Variants in UBR4 observed in about 807,000 individuals in gnomAD.
The protein encoded by UBR4 is E3 ubiquitin-protein ligase UBR4.
Under a neutral mutation model 575.6 loss-of-function variants are expected in UBR4, and 124 were observed. That is an observed-to-expected ratio of 0.22 (90% CI 0.19 to 0.25). The LOEUF is 0.25. Among genes scored for constraint, UBR4 ranks in the 10% least tolerant of loss-of-function variants. The probability of loss-of-function intolerance (pLI) is 1.00; values close to 1 mark genes in which losing one functional copy is unlikely to be tolerated. For synonymous variants in UBR4, 2,455 were observed against 2,473.7 expected (o/e 0.99, Z 0.22); for missense variants, 4,818 against 6,478.8 (o/e 0.74, Z 8.80).
At chr1:19,123,087 T>C in intron 65 of UBR4, 27 bp from the exon 66 acceptor site, 4 of 1,608,420 alleles carry the variant, frequency 2.5e-6, no homozygotes, top group Non-Finnish European at 3.4e-6. Flanking sequence ...CCACAAAGAG[T>C]AAATGACTCT....
Position 19,184,059 on chromosome 1 carries a change from G to A in UBR4, c.2055C>T (p.Thr685=). ...SVSLSEHHMA[T]LASIIKEVDK... is the part of the protein sequence containing the mutation. ...CCACCTCCTTGATGATACTGGCTAG[G>A]GTGGCCATATGGTGTTCTGAAAGAG... is the stretch of plus-strand genomic sequence containing the variant. Residue 685 remains threonine (T), a synonymous_variant, in exon 16 of 106, where the codon ACC becomes ACT. Coordinates refer to ENST00000375254, the MANE Select transcript of UBR4 (RefSeq NM_020765.3). 6.2e-7 allele frequency: 1 copy of A among 1,614,124 alleles called. No individual in the cohort carries two copies. Among genetic ancestry groups the A allele is most frequent in the Non-Finnish European group, 8.5e-7 (1 of 1,180,018 alleles).
chr1:19,193,682 T>TAAG, intron 8 of UBR4, 125 bp from the exon 9 acceptor site: 2 of 1,268,178 alleles, frequency 1.6e-6, no homozygotes, highest in Non-Finnish European at 1.1e-6. Context: ...TAAATGCCAT[T>TAAG]AAGAGCAAGA....
rs148524256 is a variant in UBR4, at chr1:19,108,833, G to A, written c.12105+1263C>T. ...CCAGATTTTAGGAACTGCTGCTCTCGCTAAGTTACACGGAGCAAATTGTGA... is the reference window on the plus strand; with the variant it reads ...CCAGATTTTAGGAACTGCTGCTCTCACTAAGTTACACGGAGCAAATTGTGA... On this transcript the variant is annotated intron_variant, in intron 81 of 105. Coordinates refer to ENST00000375254, the MANE Select transcript of UBR4 (RefSeq NM_020765.3). Among the ~76,000 whole-genome samples the A allele has an allele frequency of 1.4e-3, 217 of 152,268 alleles. 1 individual carries two copies. Among genetic ancestry groups the A allele is most frequent in the Middle Eastern group, 0.014 (4 of 294 alleles).
chr1:19,107,117 G>T, intron 81 of UBR4, 151 bp from the exon 82 acceptor site: 3 of 1,190,828 alleles, frequency 2.5e-6, no homozygotes, highest in Non-Finnish European at 3.5e-6. Context: ...CCAAATATGT[G>T]TTCCTGTTAA....
intron 8 of UBR4, among the ~76,000 whole-genome samples, chr1:19,195,902 T>A (rs1161786188): frequency 1.3e-5 from 2 of 151,596 alleles, no homozygotes; most frequent in Admixed American, 1.3e-4. Context: ...GCATTTCTAA[T>A]TGAGTCTTAC....
In UBR4 at chr1:19,084,659, C is replaced by T. The variant is rs761575936; in HGVS notation, c.14853G>A (p.Glu4951=). 1 of 1,613,930 alleles carries T rather than the reference C, an allele frequency of 6.2e-7. No homozygotes were observed. Among genetic ancestry groups the T allele is most frequent in the Non-Finnish European group, 8.5e-7 (1 of 1,179,902 alleles). ...CATGGATGTTGAGCTGATACGTGGGCTCCCGCTGGCCTGTACATTCCTGGA... is the reference window on the plus strand; with the variant it reads ...CATGGATGTTGAGCTGATACGTGGGTTCCCGCTGGCCTGTACATTCCTGGA... The part of the protein sequence containing the change: ...TYLQECTGQR[E]PTYQLNIHDI... The change falls in exon 102 of 106, where the codon GAG becomes GAA. Residue 4951 remains glutamate (E), a synonymous_variant. Coordinates refer to ENST00000375254, the MANE Select transcript of UBR4 (RefSeq NM_020765.3).
Position 19,166,762 on chromosome 1 carries a change from T to C in UBR4, c.4109+260A>G, listed in dbSNP as rs200098532. ...AAAAAAAAAAAAAAAAAAAACCAGC[T>C]GGGCATGGTGGCATGCACCTGTAGT... On this transcript the variant is annotated intron_variant, in intron 29 of 105. Coordinates refer to ENST00000375254, the MANE Select transcript of UBR4 (RefSeq NM_020765.3). Among the ~76,000 whole-genome samples the C allele has an allele frequency of 1.4e-4, 18 of 127,944 alleles. No individual in the cohort carries two copies. In the East Asian group the frequency reaches 2.9e-3, roughly 21 times the overall value. 83.9% of individuals were successfully genotyped at this position (127,944 alleles called of 152,430 possible).
chr1:19,104,341 C>A, intron 86 of UBR4, 84 bp from the exon 87 acceptor site: 5 of 1,517,768 alleles, frequency 3.3e-6, no homozygotes, highest in Non-Finnish European at 4.5e-6. Context: ...ATGAGCAACT[C>A]AAAAAGCAGG....
chr1:19,160,018 A>G, intron 39 of UBR4, 93 bp downstream of exon 39: 1 of 1,505,266 alleles, frequency 6.6e-7, no homozygotes, highest in Non-Finnish European at 8.9e-7. Flanking sequence ...AACTGCTCTA[A>G]GTATACTCCT....
In UBR4 at chr1:19,141,586, A is replaced by G. The variant is rs10047155; in HGVS notation, c.8310+61T>C. 1.0e-2 allele frequency: 15,970 copies of G among 1,603,332 alleles called. 950 individuals are homozygous for G. In the African/African-American group the frequency reaches 0.15, roughly 16 times the overall value. On this transcript the variant is annotated intron_variant, in intron 56 of 105. Transcript: ENST00000375254. ...GTGGTAACTTTTGGAAGTCCACTGAATAAGAGCTAGAGGAGAGTTGTGAAG... is the reference window on the plus strand; with the variant it reads ...GTGGTAACTTTTGGAAGTCCACTGAGTAAGAGCTAGAGGAGAGTTGTGAAG...
intron 1 of UBR4, among the ~76,000 whole-genome samples, chr1:19,202,437 A>G (rs1014350464): frequency 6.6e-6 from 1 of 152,228 alleles, no homozygotes; most frequent in African/African-American, 2.4e-5. Context: ...AATACTCAAT[A>G]TACTGTTAGT....
At position 19,198,613 on chromosome 1, in the gene UBR4, A is replaced by C; in HGVS notation, c.576T>G (p.Asn192Lys). Reference protein sequence around the residue: ...PELRQKEVQMNFLNQLTSVFN... With the variant: ...PELRQKEVQMKFLNQLTSVFN... Reference sequence around the variant, plus strand: ...AAACTGAGGTCAGCTGGTTCAAAAAATTCATCTGTACCTCCTTTTGCCTCA... The same window carrying C: ...AAACTGAGGTCAGCTGGTTCAAAAACTTCATCTGTACCTCCTTTTGCCTCA... The change falls in exon 5 of 106, where the codon AAT becomes AAG. Residue 192 changes from asparagine (N) to lysine (K), a missense_variant. By Grantham distance (94) the Asn-to-Lys change is moderately conservative. Around this residue, in one of 29 missense-constraint regions of UBR4, gnomAD observed 83 missense variants for 77.3 expected, o/e 1.07. Coordinates refer to ENST00000375254, the MANE Select transcript of UBR4 (RefSeq NM_020765.3). 1 of 1,614,204 alleles carries C rather than the reference A, an allele frequency of 6.2e-7. No individual in the cohort carries two copies. The highest frequency in any genetic ancestry group is 8.5e-7 in the Non-Finnish European group (1 of 1,180,026).
chr1:19,109,391 T>A (rs1049066101), intron 81 of UBR4, among the ~76,000 whole-genome samples: 1 of 152,224 alleles, frequency 6.6e-6, no homozygotes, highest in Non-Finnish European at 1.5e-5. Flanking sequence ...TGTTATACCA[T>A]CCTATATACT....
In UBR4 at chr1:19,101,586, G is replaced by A. The variant is rs952136839; in HGVS notation, c.12957C>T (p.Arg4319=). ...GGGTCCGGTAGTCATCCAGATTGTA[G>A]CGCTTGGCTGTCTCAATGCACACAG... is the stretch of plus-strand genomic sequence containing the variant. ...FMAVCIETAK[R]YNLDDYRTPV... The change falls in exon 88 of 106, where the codon CGC becomes CGT. Residue 4319 remains arginine, a synonymous_variant. Coordinates refer to ENST00000375254, the MANE Select transcript of UBR4 (RefSeq NM_020765.3). The A allele has an allele frequency of 5.6e-6, 9 of 1,613,812 alleles. No individual in the cohort carries two copies. The highest frequency in any genetic ancestry group is 5.3e-5 in the African/African-American group (4 of 74,930).
chr1:19,199,456 T>C (rs754378306), intron 3 of UBR4, among the ~76,000 whole-genome samples, 195 bp downstream of exon 3: 2 of 152,242 alleles, frequency 1.3e-5, no homozygotes, highest in African/African-American at 4.8e-5. Context: ...GCCATGTTCA[T>C]CATTTATATA....
rs770753340 is a variant in UBR4 at position 19,192,538 on chromosome 1, G to C, written c.1146C>G (p.Leu382=). The C allele has an allele frequency of 6.8e-6, 11 of 1,614,048 alleles. No homozygotes were observed. In the Admixed American group the frequency reaches 1.3e-4, roughly 20 times the overall value. The change falls in exon 10 of 106, where the codon CTC becomes CTG. Residue 382 remains leucine (L), a splice_region_variant and synonymous_variant. Transcript: ENST00000375254. ...CTTGTCCAATCATGTCATAGATTTCGAGCTGTACAATATCAAACAGACACA... is the reference window on the plus strand; with the variant it reads ...CTTGTCCAATCATGTCATAGATTTCCAGCTGTACAATATCAAACAGACACA... ...SDAATIVQKC[L]EIYDMIGQAI...
At chr1:19,162,954 T>C (rs1192141069) in intron 34 of UBR4, among the ~76,000 whole-genome samples, 1 of 152,196 alleles carries the variant, frequency 6.6e-6, no homozygotes, top group African/African-American at 2.4e-5. Flanking sequence ...GAGACTCCCA[T>C]TAGCATTTCC....
At chr1:19,190,312 A>T (rs139322537) in intron 11 of UBR4, among the ~76,000 whole-genome samples, 1,958 of 79,578 alleles carry the variant, frequency 0.025, 39 homozygotes, top group East Asian at 0.046. Context: ...AAAAAAAAAA[A>T]ATATATATAT....
intron 35 of UBR4, among the ~76,000 whole-genome samples, 176 bp downstream of exon 35, chr1:19,162,244 C>T (rs1231805303): frequency 6.6e-6 from 1 of 152,176 alleles, no homozygotes; most frequent in African/African-American, 2.4e-5. Context: ...GTCCTTTCCA[C>T]AAGAGATTAG....
Sources: gnomAD v4.1 joint callset for allele counts (sites outside exome capture counted in the v4.1 genomes callset) on GRCh38, gnomAD v4.1.1 for gene constraint, gnomAD v4.1.1 regional missense constraint, MANE v1.5 for transcripts, NCBI Gene and HGNC (gene_info 2026-07-23, HGNC 2026-07-21) for gene names.